Variants in TENM3 observed in about 807,000 individuals in gnomAD.
TENM3 encodes the protein teneurin-3.
A neutral mutation model predicts 255.1 loss-of-function variants in TENM3; 63 were observed. That is an observed-to-expected ratio of 0.25 (90% CI 0.20 to 0.30). The LOEUF (loss-of-function observed/expected upper bound fraction) is 0.30, where lower values mean the gene tolerates loss of function less well. TENM3 is among the 10% of genes least tolerant of loss of function. The probability of loss-of-function intolerance (pLI) is 1.00; values close to 1 mark genes in which losing one functional copy is unlikely to be tolerated. For synonymous variants in TENM3, 1,306 were observed against 1,322.3 expected (o/e 0.99, Z 0.27); for missense variants, 2,929 against 3,461.1 (o/e 0.85, Z 3.86).
chr4:181,649,853 GA>G, the TENM3 span, among the ~76,000 whole-genome samples: 1 of 152,178 alleles, frequency 6.6e-6, no homozygotes, highest in Non-Finnish European at 1.5e-5. Flanking sequence ...TCGTGGTACA[GA>G]GATAATGTGT....
the TENM3 span, among the ~76,000 whole-genome samples, chr4:182,064,500 G>A: frequency 2.6e-5 from 4 of 152,084 alleles, no homozygotes; most frequent in South Asian, 8.3e-4. Context: ...GGAGAATGGC[G>A]TGAACCCGGG....
intron 1 of TENM3, among the ~76,000 whole-genome samples, chr4:182,232,701 A>C (rs1756657936): frequency 6.6e-6 from 1 of 152,152 alleles, no homozygotes; most frequent in Non-Finnish European, 1.5e-5. Context: ...TCCAAAAAAA[A>C]AAGACATATA....
the TENM3 span, among the ~76,000 whole-genome samples, chr4:182,017,021 T>A: frequency 1.1e-4 from 16 of 152,342 alleles, no homozygotes; most frequent in East Asian, 2.3e-3. Context: ...CCCTCACTGT[T>A]TGCCTTACAA....
the TENM3 span, among the ~76,000 whole-genome samples, chr4:181,870,060 T>C: frequency 5.9e-5 from 9 of 152,184 alleles, no homozygotes; most frequent in Admixed American, 1.3e-4. Context: ...TTGACCTTCA[T>C]TGAAAGGTAA....
At chr4:181,593,379 C>A in the TENM3 span, among the ~76,000 whole-genome samples, 2 of 152,164 alleles carry the variant, frequency 1.3e-5, no homozygotes, top group South Asian at 2.1e-4. Flanking sequence ...TTTGCATATA[C>A]ACTTTTGTGT....
chr4:182,089,152 G>A, the TENM3 span, among the ~76,000 whole-genome samples: 1 of 152,144 alleles, frequency 6.6e-6, no homozygotes, highest in Non-Finnish European at 1.5e-5. Context: ...CCCCAGAACT[G>A]TAAGAAAGAA....
chr4:181,900,098 C>T, the TENM3 span, among the ~76,000 whole-genome samples: 3 of 152,144 alleles, frequency 2.0e-5, no homozygotes, highest in Non-Finnish European at 4.4e-5. Context: ...CACACTTCAT[C>T]ACAGCCCAAA....
intron 6 of TENM3, among the ~76,000 whole-genome samples, chr4:182,666,858 C>A (rs1215998336): frequency 6.6e-6 from 1 of 151,954 alleles, no homozygotes; most frequent in Non-Finnish European, 1.5e-5. Context: ...CGAGATTGGG[C>A]CACTGCACTC....
intron 16 of TENM3, among the ~76,000 whole-genome samples, chr4:182,731,828 C>T (rs1760757894): frequency 6.7e-6 from 1 of 150,020 alleles, no homozygotes; most frequent in Non-Finnish European, 1.5e-5. Flanking sequence ...GTCGCCCAGG[C>T]TGGAGTGCAG....
chr4:182,385,422 G>C (rs1388673017), intron 3 of TENM3, among the ~76,000 whole-genome samples: 1 of 151,920 alleles, frequency 6.6e-6, no homozygotes, highest in Non-Finnish European at 1.5e-5. Flanking sequence ...CCACAACCAA[G>C]CCCGGATAAT....
chr4:182,410,348 G>C (rs1374217637), intron 3 of TENM3, among the ~76,000 whole-genome samples: 1 of 152,176 alleles, frequency 6.6e-6, no homozygotes, highest in African/African-American at 2.4e-5. Flanking sequence ...TTTTTGCCTA[G>C]AGGCTTGTGT....
intron 3 of TENM3, among the ~76,000 whole-genome samples, chr4:182,491,660 G>A (rs868144040): frequency 9.2e-5 from 14 of 152,110 alleles, no homozygotes; most frequent in African/African-American, 2.9e-4. Flanking sequence ...TTTTAAAGGT[G>A]AATTATATTC....
chr4:182,670,453 G>T (rs1049055599), intron 6 of TENM3, among the ~76,000 whole-genome samples: 8 of 152,124 alleles, frequency 5.3e-5, no homozygotes, highest in African/African-American at 1.7e-4. Context: ...TCATACCTGG[G>T]TTATTGCAGC....
chr4:181,548,127 G>C, the TENM3 span, among the ~76,000 whole-genome samples: 86 of 152,128 alleles, frequency 5.7e-4, no homozygotes, highest in Non-Finnish European at 9.8e-4. Flanking sequence ...TCTCACACCA[G>C]TTAGAACGGC....
chr4:182,673,281 C>T, intron 7 of TENM3, 62 bp downstream of exon 7: 1 of 1,189,694 alleles, frequency 8.4e-7, no homozygotes, highest in Non-Finnish European at 1.2e-6. Context: ...TGAAATTATT[C>T]TCTTTCTTAA....
At chr4:182,500,558 T>A (rs780145763) in intron 3 of TENM3, among the ~76,000 whole-genome samples, 1 of 152,186 alleles carries the variant, frequency 6.6e-6, no homozygotes, top group Non-Finnish European at 1.5e-5. Flanking sequence ...TAGCAGTATA[T>A]GTTTAAAATT....
the TENM3 span, among the ~76,000 whole-genome samples, chr4:181,525,674 T>G: frequency 1.3e-5 from 2 of 152,214 alleles, no homozygotes; most frequent in African/African-American, 4.8e-5. Flanking sequence ...AACTAGAATG[T>G]TTCTATTGTA....
chr4:181,615,091 T>C, the TENM3 span, among the ~76,000 whole-genome samples: 8 of 152,184 alleles, frequency 5.3e-5, no homozygotes, highest in African/African-American at 1.9e-4. Flanking sequence ...CTGTTCATCA[T>C]TTGTGAACAT....
chr4:181,645,682 A>C, the TENM3 span, among the ~76,000 whole-genome samples: 1 of 152,216 alleles, frequency 6.6e-6, no homozygotes, highest in Admixed American at 6.5e-5. Flanking sequence ...AAGGAACTAC[A>C]GAATGAAGTA....
Sources: allele counts gnomAD v4.1 joint callset (sites outside exome capture counted in the v4.1 genomes callset), GRCh38; gene constraint gnomAD v4.1.1; transcripts MANE v1.5; gene names NCBI Gene and HGNC (gene_info 2026-07-23, HGNC 2026-07-21).